NRG3: variants seen among roughly 807,000 people sequenced by gnomAD.
NRG3 encodes neuregulin 3.
A neutral mutation model predicts 66.9 loss-of-function variants in NRG3; 31 were observed. That is an observed-to-expected ratio of 0.46 (90% CI 0.35 to 0.63). The LOEUF is 0.63. Among genes scored for constraint, NRG3 ranks in the 20% least tolerant of loss-of-function variants. The probability of loss-of-function intolerance (pLI) is 0.00; values close to 1 mark genes in which losing one functional copy is unlikely to be tolerated. For synonymous variants in NRG3, 393 were observed against 359.4 expected (o/e 1.09, Z -1.06); for missense variants, 910 against 878.9 (o/e 1.04, Z -0.45).
chr10:82,506,403 ACACATCAAG>A (rs776084936), intron 2 of NRG3, among the ~76,000 whole-genome samples: 13 of 152,146 alleles, frequency 8.5e-5, no homozygotes, highest in South Asian at 4.1e-4. Flanking sequence ...CTTAAATCTG[ACACATCAAG>A]TTTTGTTGCC....
At chr10:82,788,254 A>T (rs2060449528) in intron 3 of NRG3, among the ~76,000 whole-genome samples, 1 of 152,166 alleles carries the variant, frequency 6.6e-6, no homozygotes, top group Admixed American at 6.5e-5. Flanking sequence ...TTAAGATCTT[A>T]TACAGGTAAA....
chr10:82,867,889 A>G (rs1016314119), intron 4 of NRG3, among the ~76,000 whole-genome samples: 6 of 152,158 alleles, frequency 3.9e-5, no homozygotes, highest in African/African-American at 1.4e-4. Context: ...TTCGCTAATG[A>G]TGGCAGTGAT....
At chr10:82,224,956 A>G (rs1209910924) in intron 1 of NRG3, among the ~76,000 whole-genome samples, 3 of 152,018 alleles carry the variant, frequency 2.0e-5, no homozygotes, top group Non-Finnish European at 2.9e-5. Context: ...TTGCTGCTAC[A>G]ATTATTTATT....
intron 1 of NRG3, among the ~76,000 whole-genome samples, chr10:82,030,705 A>C (rs898440609): frequency 1.3e-5 from 2 of 151,734 alleles, no homozygotes; most frequent in Non-Finnish European, 2.9e-5. Flanking sequence ...TTTGGAAAAA[A>C]AAAAAAGGGA....
intron 1 of NRG3, among the ~76,000 whole-genome samples, chr10:82,003,964 G>A (rs762185196): frequency 2.0e-5 from 3 of 149,010 alleles, no homozygotes; most frequent in Non-Finnish European, 4.4e-5. Context: ...TCCAGCCTGG[G>A]TGCTGTAAGG....
chr10:82,850,478 G>T (rs987134833), intron 3 of NRG3, among the ~76,000 whole-genome samples: 3 of 151,312 alleles, frequency 2.0e-5, no homozygotes, highest in African/African-American at 7.3e-5. Context: ...ACTCATCTTG[G>T]ATTCACCATC....
At chr10:82,512,278 T>G (rs1845253192) in intron 2 of NRG3, among the ~76,000 whole-genome samples, 1 of 151,700 alleles carries the variant, frequency 6.6e-6, no homozygotes. Flanking sequence ...TTATTTTTAT[T>G]TATCTTTTAT....
chr10:82,986,485 GC>G lies in NRG3; in HGVS notation c.*881del, dbSNP rs1853441567. The G allele has an allele frequency of 6.6e-6, 1 of 152,164 alleles. No individual in the cohort carries two copies. The allele number at this position is 152,164 out of a possible 1,614,324, so 9.4% of individuals were successfully genotyped here. A position where few individuals can be genotyped will look rare whatever the true frequency, so the allele number is the denominator to read the frequency against. On this transcript the variant is annotated 3_prime_UTR_variant, in exon 9 of 9. Coordinates refer to ENST00000372141, the MANE Select transcript of NRG3 (RefSeq NM_001010848.4). ...GTGCATGTGTGCGCGTATTACGCTT[GC>G]TAAAATTTGTTCTGAAACATCAGGG...
chr10:82,017,624 C>T (rs560665221), intron 1 of NRG3, among the ~76,000 whole-genome samples: 44 of 151,176 alleles, frequency 2.9e-4, no homozygotes, highest in East Asian at 2.5e-3. Flanking sequence ...TTTTAATGAT[C>T]GCCATTCTAA....
intron 1 of NRG3, among the ~76,000 whole-genome samples, chr10:82,199,519 C>T (rs796751163): frequency 7.2e-5 from 11 of 152,268 alleles, no homozygotes; most frequent in African/African-American, 2.4e-4. Flanking sequence ...TGTTAATACA[C>T]CAATTTATTT....
intron 2 of NRG3, among the ~76,000 whole-genome samples, chr10:82,720,927 C>T (rs1321570645): frequency 6.7e-6 from 1 of 148,702 alleles, no homozygotes; most frequent in Non-Finnish European, 1.5e-5. Context: ...AGTCACTGCT[C>T]ATCTCTGAGA....
At chr10:82,061,854 C>CTCTCTCTG (rs1564782185) in intron 1 of NRG3, among the ~76,000 whole-genome samples, 2 of 149,158 alleles carry the variant, frequency 1.3e-5, no homozygotes, top group African/African-American at 2.5e-5. Context: ...CTCTCTCTCT[C>CTCTCTCTG]TCTCTCTCAC....
chr10:81,931,559 G>A (rs985612793), intron 1 of NRG3, among the ~76,000 whole-genome samples: 4 of 152,098 alleles, frequency 2.6e-5, no homozygotes, highest in African/African-American at 9.7e-5. Flanking sequence ...ACTTTTTCAA[G>A]AATCAGTATT....
chr10:81,941,458 T>C (rs1848397352), intron 1 of NRG3, among the ~76,000 whole-genome samples: 1 of 152,164 alleles, frequency 6.6e-6, no homozygotes, highest in African/African-American at 2.4e-5. Context: ...TGTGCATCTA[T>C]TAATTTTTGA....
chr10:82,585,546 G>A (rs747005537), intron 2 of NRG3, among the ~76,000 whole-genome samples: 3 of 151,932 alleles, frequency 2.0e-5, no homozygotes, highest in African/African-American at 4.8e-5. Context: ...CCTCTTCTCC[G>A]GCTACACAGT....
chr10:82,379,289 A>G (rs142844047), intron 2 of NRG3, among the ~76,000 whole-genome samples: 386 of 152,102 alleles, frequency 2.5e-3, no homozygotes, highest in African/African-American at 8.8e-3. Flanking sequence ...CCCCTTTTAC[A>G]TTTTCATTGC....
intron 1 of NRG3, among the ~76,000 whole-genome samples, chr10:82,304,643 T>C (rs1487324671): frequency 1.3e-5 from 2 of 151,520 alleles, no homozygotes; most frequent in African/African-American, 4.9e-5. Flanking sequence ...TTCAATTCCT[T>C]GCAGCTATAG....
At chr10:82,411,269 AAG>A (rs2088063650) in intron 2 of NRG3, among the ~76,000 whole-genome samples, 1 of 152,154 alleles carries the variant, frequency 6.6e-6, no homozygotes, top group African/African-American at 2.4e-5. Flanking sequence ...GGAAGGAAGA[AAG>A]AGGAGAAAAA....
chr10:82,741,559 G>A (rs187823598), intron 3 of NRG3, among the ~76,000 whole-genome samples: 1 of 152,150 alleles, frequency 6.6e-6, no homozygotes, highest in African/African-American at 2.4e-5. Flanking sequence ...GCCAGGCACT[G>A]TGCCAAAGGC....
Sources: allele counts gnomAD v4.1 joint callset (sites outside exome capture counted in the v4.1 genomes callset), GRCh38; gene constraint gnomAD v4.1.1; transcripts MANE v1.5; gene names NCBI Gene and HGNC (gene_info 2026-07-23, HGNC 2026-07-21).